CAST: variants seen among roughly 807,000 people sequenced by gnomAD.
CAST encodes calpastatin, also known as MIR583 host.
CAST carries 76 observed loss-of-function variants against 119.6 expected under a neutral mutation model. That is an observed-to-expected ratio of 0.64 (90% CI 0.53 to 0.77). The LOEUF (loss-of-function observed/expected upper bound fraction) is 0.77. Among genes scored for constraint, CAST ranks in the 30% least tolerant of loss-of-function variants. CAST has a pLI of 0.00. For missense variants in CAST, 953 were observed against 946.5 expected (o/e 1.01, Z -0.09); for synonymous variants, 319 against 331.6 (o/e 0.96, Z 0.41).
chr5:96,362,789 GTTCA>G, the CAST span, among the ~76,000 whole-genome samples: 1 of 152,098 alleles, frequency 6.6e-6, no homozygotes, highest in African/African-American at 2.4e-5. Flanking sequence ...TAGGTTGCCT[GTTCA>G]CTCTGATGGT....
chr5:95,967,381 C>A, the CAST span, among the ~76,000 whole-genome samples: 1 of 150,610 alleles, frequency 6.6e-6, no homozygotes, highest in African/African-American at 2.5e-5. Context: ...ATAGACACTG[C>A]ATTCCAGCCC....
At chr5:96,576,106 T>C (rs1191640104) in intron 1 of CAST, among the ~76,000 whole-genome samples, 1 of 152,222 alleles carries the variant, frequency 6.6e-6, no homozygotes, top group African/African-American at 2.4e-5. Context: ...TTTTTAGATT[T>C]GATTTGCTGG....
chr5:96,625,302 C>T (rs1300260476), intron 1 of CAST, among the ~76,000 whole-genome samples: 7 of 152,112 alleles, frequency 4.6e-5, no homozygotes. Context: ...CTCTCTCTCT[C>T]TGTCTCTCAT....
intron 1 of CAST, among the ~76,000 whole-genome samples, chr5:96,605,058 A>G (rs1747227322): frequency 6.6e-6 from 1 of 152,180 alleles, no homozygotes; most frequent in African/African-American, 2.4e-5. Flanking sequence ...GAGATGGGAC[A>G]TTGAGGTTGA....
At chr5:96,148,149 A>G in the CAST span, among the ~76,000 whole-genome samples, 1 of 152,168 alleles carries the variant, frequency 6.6e-6, no homozygotes, top group African/African-American at 2.4e-5. Context: ...TGCTGATGGG[A>G]AGATTTGTTT....
the CAST span, among the ~76,000 whole-genome samples, chr5:96,307,784 C>T: frequency 3.3e-5 from 5 of 152,196 alleles, no homozygotes; most frequent in African/African-American, 7.2e-5. Flanking sequence ...TTGGCCCCTA[C>T]TCTATTCTGG....
chr5:96,404,615 G>A, the CAST span, among the ~76,000 whole-genome samples: 1 of 152,104 alleles, frequency 6.6e-6, no homozygotes, highest in East Asian at 1.9e-4. Flanking sequence ...TCATTTATCA[G>A]CCTCAATCTT....
the CAST span, among the ~76,000 whole-genome samples, chr5:96,398,052 T>G: frequency 6.6e-6 from 1 of 152,306 alleles, no homozygotes; most frequent in South Asian, 2.1e-4. Flanking sequence ...CCTTTCTAGA[T>G]CAATTGATAA....
the CAST span, among the ~76,000 whole-genome samples, chr5:96,505,606 T>G: frequency 1.2e-4 from 18 of 152,242 alleles, no homozygotes; most frequent in African/African-American, 4.3e-4. Flanking sequence ...AGGAAAGGCA[T>G]AGAATCACCA....
chr5:96,224,660 A>C, the CAST span, among the ~76,000 whole-genome samples: 1 of 152,176 alleles, frequency 6.6e-6, no homozygotes, highest in Non-Finnish European at 1.5e-5. Context: ...CATTGAAATG[A>C]ATATTGAACA....
chr5:96,110,709 A>C, the CAST span, among the ~76,000 whole-genome samples: 1 of 152,214 alleles, frequency 6.6e-6, no homozygotes, highest in Non-Finnish European at 1.5e-5. Flanking sequence ...AGGCCTGCCT[A>C]GGTGATTAGG....
chr5:96,683,634 T>C (rs1751710646), intron 2 of CAST, among the ~76,000 whole-genome samples: 1 of 152,220 alleles, frequency 6.6e-6, no homozygotes, highest in Non-Finnish European at 1.5e-5. Context: ...GTGGTATTTC[T>C]CTGTGTGGTC....
chr5:96,337,653 G>A, the CAST span, among the ~76,000 whole-genome samples: 1 of 152,152 alleles, frequency 6.6e-6, no homozygotes, highest in Non-Finnish European at 1.5e-5. Context: ...TGGTTATGAT[G>A]CTCACTTCTG....
At chr5:96,339,738 A>G in the CAST span, among the ~76,000 whole-genome samples, 1 of 152,230 alleles carries the variant, frequency 6.6e-6, no homozygotes, top group Non-Finnish European at 1.5e-5. Flanking sequence ...AGGAGAGCTA[A>G]GGTGAGTCCT....
the CAST span, among the ~76,000 whole-genome samples, chr5:96,385,743 A>G: frequency 6.6e-6 from 1 of 152,230 alleles, no homozygotes; most frequent in Non-Finnish European, 1.5e-5. Flanking sequence ...GGATGATTCA[A>G]ACTGTCATGT....
chr5:96,132,127 A>G, the CAST span, among the ~76,000 whole-genome samples: 1 of 152,186 alleles, frequency 6.6e-6, no homozygotes, highest in African/African-American at 2.4e-5. Context: ...GGCTATACTT[A>G]TAATCAAACA....
the CAST span, among the ~76,000 whole-genome samples, chr5:96,208,005 C>T: frequency 6.6e-6 from 1 of 151,900 alleles, no homozygotes; most frequent in Non-Finnish European, 1.5e-5. Context: ...GTTTGAATTG[C>T]TTCCTGGTTC....
chr5:96,289,256 A>G, the CAST span, among the ~76,000 whole-genome samples: 1 of 152,194 alleles, frequency 6.6e-6, no homozygotes, highest in African/African-American at 2.4e-5. Flanking sequence ...GTGTTCAACA[A>G]AGAAGATCAC....
chr5:96,408,381 G>T, the CAST span: 1 of 1,217,616 alleles, frequency 8.2e-7, no homozygotes, highest in Non-Finnish European at 1.2e-6. Context: ...GTGTGGGCCT[G>T]TCTTGGGGGT....
Sources: gnomAD v4.1 joint callset for allele counts (sites outside exome capture counted in the v4.1 genomes callset) on GRCh38, gnomAD v4.1.1 for gene constraint, MANE v1.5 for transcripts, NCBI Gene and HGNC (gene_info 2026-07-23, HGNC 2026-07-21) for gene names.